Variants in BSDC1 observed in about 807,000 individuals in gnomAD.
The protein encoded by BSDC1 is BSD domain-containing protein 1.
Under a neutral mutation model 56.0 loss-of-function variants are expected in BSDC1, and 29 were observed. That is an observed-to-expected ratio of 0.52 (90% CI 0.39 to 0.71). BSDC1 has a LOEUF of 0.71. Among genes scored for constraint, BSDC1 ranks in the 30% least tolerant of loss-of-function variants. The probability of loss-of-function intolerance (pLI) is 0.00; values close to 1 mark genes in which losing one functional copy is unlikely to be tolerated. For missense variants in BSDC1, 477 were observed against 548.5 expected (o/e 0.87, Z 1.30); for synonymous variants, 210 against 215.3 (o/e 0.98, Z 0.21).
At chr1:32,375,882 T>C (rs977766446) in intron 9 of BSDC1, among the ~76,000 whole-genome samples, 12 of 152,336 alleles carry the variant, frequency 7.9e-5, no homozygotes, top group African/African-American at 2.4e-4. Context: ...GCCCTGGGTC[T>C]GAATCTGGGC....
rs370128834 is a variant in BSDC1 at position 32,375,987 on chromosome 1, G to A, written c.1156+275C>T. 9.6e-4 allele frequency among the ~76,000 whole-genome samples: 146 copies of A among 152,268 alleles called. 1 individual carries two copies. The highest frequency in any genetic ancestry group is 3.4e-3 in the African/African-American group (141 of 41,540). On this transcript the variant is annotated intron_variant, in intron 9 of 10. Coordinates refer to ENST00000455895, the MANE Select transcript of BSDC1 (RefSeq NM_018045.8). ...GAGGACAATAATACTGAGAAATTAG[G>A]TGCCATATAACATATTTAGCATGGG...
At chr1:32,381,420 A>G (rs1642474754) in intron 4 of BSDC1, 152 bp from the exon 5 acceptor site, 2 of 767,498 alleles carry the variant, frequency 2.6e-6, no homozygotes, top group Admixed American at 2.2e-5. Flanking sequence ...GCACTGTGGC[A>G]CAGAGAGTGG....
chr1:32,394,233 C>A, intron 1 of BSDC1, 93 bp from the exon 2 acceptor site: 1 of 1,561,918 alleles, frequency 6.4e-7, no homozygotes, highest in Non-Finnish European at 8.8e-7. Flanking sequence ...ACCCTGCGGG[C>A]CGAGGCTTCG....
intron 9 of BSDC1, among the ~76,000 whole-genome samples, chr1:32,371,220 A>G: frequency 6.6e-6 from 1 of 151,922 alleles, no homozygotes; most frequent in African/African-American, 2.4e-5. Flanking sequence ...CAAATACACT[A>G]GCAAAGTTAT....
chr1:32,373,022 G>T (rs1001911397), intron 9 of BSDC1, among the ~76,000 whole-genome samples: 2 of 152,194 alleles, frequency 1.3e-5, no homozygotes, highest in Non-Finnish European at 2.9e-5. Context: ...GATCACCCTG[G>T]GAACCAGTAA....
At chr1:32,379,111 TG>T (rs1001051466) in intron 5 of BSDC1, among the ~76,000 whole-genome samples, 6 of 152,118 alleles carry the variant, frequency 3.9e-5, no homozygotes, top group African/African-American at 1.4e-4. Context: ...CTGAAACAGC[TG>T]TTCTCAGGTC....
chr1:32,393,952 G>A (rs2148150206), intron 2 of BSDC1, 128 bp downstream of exon 2: 1 of 849,282 alleles, frequency 1.2e-6, no homozygotes, highest in South Asian at 1.7e-5. Context: ...GAGGCTAAAA[G>A]AAAGGCCCAG....
intron 2 of BSDC1, among the ~76,000 whole-genome samples, chr1:32,389,348 T>C (rs186416730): frequency 2.0e-4 from 30 of 152,346 alleles, no homozygotes; most frequent in South Asian, 8.3e-4. Context: ...CCCCAGTATC[T>C]GACACAGAGC....
At chr1:32,377,915 C>T in intron 8 of BSDC1, 55 bp downstream of exon 8, 1 of 1,543,426 alleles carries the variant, frequency 6.5e-7, no homozygotes, top group Non-Finnish European at 8.8e-7. Context: ...ATGGCCCAGC[C>T]CAGAGCGTCC....
intron 10 of BSDC1, chr1:32,367,428 G>C (rs1458536989): frequency 1.0e-6 from 1 of 985,290 alleles, no homozygotes; most frequent in Non-Finnish European, 1.2e-6. Flanking sequence ...AAATACTCCT[G>C]AGTAGGTAAA....
At chr1:32,368,092 G>T in intron 10 of BSDC1, 1 of 1,288,658 alleles carries the variant, frequency 7.8e-7, no homozygotes, top group South Asian at 1.9e-5. Flanking sequence ...GGCTGGTCTT[G>T]AACTCCTCGC....
At chr1:32,388,814 T>A (rs1228074820) in intron 2 of BSDC1, among the ~76,000 whole-genome samples, 1 of 152,144 alleles carries the variant, frequency 6.6e-6, no homozygotes, top group Admixed American at 6.5e-5. Flanking sequence ...AAAAACCAAG[T>A]CTGTAAACAC....
intron 10 of BSDC1, chr1:32,367,442 C>T: frequency 1.0e-6 from 1 of 985,420 alleles, no homozygotes; most frequent in Non-Finnish European, 1.2e-6. Context: ...AGGTAAAATA[C>T]TCCCCCAAGG....
At chr1:32,384,111 G>A (rs560568994) in intron 3 of BSDC1, 114 bp from the exon 4 acceptor site, 76 of 1,443,848 alleles carry the variant, frequency 5.3e-5, no homozygotes, top group African/African-American at 8.4e-5. Context: ...CCAGGGAAGC[G>A]CTCACGACCC....
chr1:32,369,637 G>A (rs1641995751), intron 9 of BSDC1, among the ~76,000 whole-genome samples: 1 of 152,168 alleles, frequency 6.6e-6, no homozygotes, highest in African/African-American at 2.4e-5. Context: ...GCTTTTGCAT[G>A]GGCTGTTCCC....
chr1:32,372,691 C>T (rs2148114505), intron 9 of BSDC1, among the ~76,000 whole-genome samples: 1 of 152,314 alleles, frequency 6.6e-6, no homozygotes, highest in East Asian at 1.9e-4. Context: ...GCCTATGCTA[C>T]AATTTAAGAC....
At chr1:32,384,442 T>C (rs532731186) in intron 3 of BSDC1, among the ~76,000 whole-genome samples, 1 of 152,190 alleles carries the variant, frequency 6.6e-6, no homozygotes, top group Non-Finnish European at 1.5e-5. Flanking sequence ...CTCAGTTTCC[T>C]TATTATAAAA....
intron 9 of BSDC1, among the ~76,000 whole-genome samples, chr1:32,371,888 A>G (rs1226973829): frequency 6.6e-6 from 1 of 152,120 alleles, no homozygotes; most frequent in Non-Finnish European, 1.5e-5. Context: ...GCTTCAGTCT[A>G]TTTATAAAAT....
chr1:32,366,251 T>A lies in BSDC1; in HGVS notation c.*371A>T. On this transcript the variant is annotated 3_prime_UTR_variant, in exon 11 of 11. Coordinates refer to ENST00000455895, the MANE Select transcript of BSDC1 (RefSeq NM_018045.8). ...CTCAGCTTCCTCCGAGAGAGACTGG[T>A]GGTTTAGCTTCTGTCTACACAGGCA... 5.4e-6 allele frequency: 2 copies of A among 370,040 alleles called. No individual in the cohort carries two copies. The highest frequency in any genetic ancestry group is 5.5e-5 in the South Asian group (2 of 36,602). The allele number at this position is 370,040 out of a possible 1,614,324, so 22.9% of individuals were successfully genotyped here.
Sources: allele counts gnomAD v4.1 joint callset (sites outside exome capture counted in the v4.1 genomes callset), GRCh38; gene constraint gnomAD v4.1.1; transcripts MANE v1.5; gene names NCBI Gene and HGNC (gene_info 2026-07-23, HGNC 2026-07-21).